IP6K1: variants seen among roughly 807,000 people sequenced by gnomAD.
The protein encoded by IP6K1 is ATP:1D-myo-inositol-hexakisphosphate phosphotransferase.
Under a neutral mutation model 38.3 loss-of-function variants are expected in IP6K1, and 13 were observed. The observed-to-expected ratio is 0.34, with a 90% CI of 0.22 to 0.54. The LOEUF (loss-of-function observed/expected upper bound fraction) is 0.54. Ranked by LOEUF, IP6K1 falls within the 20% of genes least tolerant of loss-of-function variation. The pLI, the probability that IP6K1 is intolerant of heterozygous loss-of-function variation, is 0.92. For missense variants in IP6K1, 397 were observed against 599.8 expected (o/e 0.66, Z 3.53); for synonymous variants, 212 against 229.9 (o/e 0.92, Z 0.70).
chr3:49,743,804 G>A (rs1037622961), intron 2 of IP6K1, among the ~76,000 whole-genome samples: 4 of 151,802 alleles, frequency 2.6e-5, no homozygotes, highest in Non-Finnish European at 5.9e-5. Context: ...ATTTTTAGTA[G>A]AGACAGGGTT....
At chr3:49,772,799 G>A (rs1034999880) in intron 1 of IP6K1, among the ~76,000 whole-genome samples, 10 of 148,594 alleles carry the variant, frequency 6.7e-5, no homozygotes, top group African/African-American at 2.0e-4. Context: ...GTCTCACTAC[G>A]TTGCCCAGGC....
At chr3:49,757,948 A>C in intron 1 of IP6K1, among the ~76,000 whole-genome samples, 1 of 152,206 alleles carries the variant, frequency 6.6e-6, no homozygotes, top group South Asian at 2.1e-4. Context: ...AGGTGAAGCC[A>C]AAGCTCTGGT....
intron 1 of IP6K1, among the ~76,000 whole-genome samples, chr3:49,780,498 T>G (rs1259871733): frequency 1.3e-5 from 2 of 151,752 alleles, no homozygotes; most frequent in Non-Finnish European, 2.9e-5. Flanking sequence ...GAAACAAGAG[T>G]GTACTGTGCG....
intron 3 of IP6K1, among the ~76,000 whole-genome samples, chr3:49,735,324 T>TG (rs773641283): frequency 6.6e-6 from 1 of 152,194 alleles, no homozygotes; most frequent in Non-Finnish European, 1.5e-5. Context: ...ATGGTGCCAC[T>TG]GCACTCTAGC....
At chr3:49,775,475 G>C in intron 1 of IP6K1, 1 of 577,560 alleles carries the variant, frequency 1.7e-6, no homozygotes, top group South Asian at 2.4e-5. Context: ...GAGGCCCTGG[G>C]GTCTCTGGTG....
At position 49,724,710 on chromosome 3, in the gene IP6K1, C is replaced by T. The variant is rs1205580742; in HGVS notation, c.*2412G>A. ...GAGCGCGTGAGCAGCGGCTACGTAA[C>T]TAGCACAGGTGCCAGGCCCCTTGAT... On this transcript the variant is annotated 3_prime_UTR_variant, in exon 6 of 6. Transcript: ENST00000321599. 6.5e-6 allele frequency: 1 copy of T among 152,722 alleles called. No homozygotes were observed. Among genetic ancestry groups the T allele is most frequent in the Non-Finnish European group, 1.5e-5 (1 of 68,098 alleles). 9.5% of individuals were successfully genotyped at this position (152,722 alleles called of 1,614,324 possible).
At chr3:49,771,853 A>C (rs1382163917) in intron 1 of IP6K1, among the ~76,000 whole-genome samples, 1 of 152,224 alleles carries the variant, frequency 6.6e-6, no homozygotes, top group Non-Finnish European at 1.5e-5. Context: ...ATATAGCAAT[A>C]AAAATAAACT....
chr3:49,752,968 C>T (rs1197622240), intron 1 of IP6K1, among the ~76,000 whole-genome samples: 1 of 151,960 alleles, frequency 6.6e-6, no homozygotes, highest in East Asian at 1.9e-4. Flanking sequence ...TCATGTTGGC[C>T]AGGCTGGTCT....
intron 2 of IP6K1, among the ~76,000 whole-genome samples, chr3:49,742,902 T>C (rs916764068): frequency 2.6e-5 from 4 of 151,078 alleles, no homozygotes; most frequent in African/African-American, 4.9e-5. Context: ...AAATAGTATA[T>C]AAATAAATAA....
In IP6K1 at chr3:49,731,837, G is replaced by A. The variant is rs184207200; in HGVS notation, c.616+954C>T. 1.9e-4 allele frequency among the ~76,000 whole-genome samples: 27 copies of A among 140,406 alleles called. No individual in the cohort carries two copies. The East Asian group carries it at 2.7e-3, about 14-fold the overall frequency. 92.1% of individuals were successfully genotyped at this position (140,406 alleles called of 152,430 possible). A position where few individuals can be genotyped will look rare whatever the true frequency, so the allele number is the denominator to read the frequency against. ...CGGGAGGCGGAGGTTGCAGTGAGCC[G>A]AGATCGCACCGCTGCACTTTGGCCT... On this transcript the variant is annotated intron_variant, in intron 4 of 5. Transcript: ENST00000321599.
chr3:49,753,268 C>T (rs927190563), intron 1 of IP6K1, among the ~76,000 whole-genome samples: 1 of 152,090 alleles, frequency 6.6e-6, no homozygotes, highest in Non-Finnish European at 1.5e-5. Context: ...ACTAGTCATT[C>T]CCTCTGCCTA....
chr3:49,767,254 G>A (rs746483563), intron 1 of IP6K1, among the ~76,000 whole-genome samples: 2 of 151,890 alleles, frequency 1.3e-5, no homozygotes, highest in African/African-American at 4.8e-5. Context: ...TTCCAGCCTG[G>A]GTGACAGGAT....
rs1319411977 is a variant in IP6K1, at chr3:49,724,426, C to G, written c.*2696G>C. ...CCGCACGCAAGGTCCAAAGCAAACG[C>G]AACTGCGGCGGGAGCCACCGGCGCA... On this transcript the variant is annotated 3_prime_UTR_variant, in exon 6 of 6. Transcript: ENST00000321599. 1.3e-5 allele frequency: 2 copies of G among 152,256 alleles called. No homozygotes were observed. The highest frequency in any genetic ancestry group is 2.9e-5 in the Non-Finnish European group (2 of 68,070). The allele number at this position is 152,256 out of a possible 1,614,324, so 9.4% of individuals were successfully genotyped here.
intron 1 of IP6K1, among the ~76,000 whole-genome samples, chr3:49,774,125 G>A (rs958167487): frequency 1.3e-5 from 2 of 151,924 alleles, no homozygotes; most frequent in African/African-American, 4.8e-5. Context: ...AAATTTGCAG[G>A]CCGGGCACAG....
At chr3:49,739,102 A>G (rs1021464376) in intron 2 of IP6K1, among the ~76,000 whole-genome samples, 1 of 152,190 alleles carries the variant, frequency 6.6e-6, no homozygotes, top group African/African-American at 2.4e-5. Context: ...TCTTAATACA[A>G]TTTAAAAATA....
intron 1 of IP6K1, among the ~76,000 whole-genome samples, chr3:49,754,592 A>G (rs1200139655): frequency 6.6e-6 from 1 of 151,522 alleles, no homozygotes; most frequent in Non-Finnish European, 1.5e-5. Flanking sequence ...GAGAAATCAT[A>G]TGAGTTTTTT....
chr3:49,785,866 C>T (rs959586632), intron 1 of IP6K1: 1 of 152,228 alleles, frequency 6.6e-6, no homozygotes, highest in Non-Finnish European at 1.5e-5. Flanking sequence ...GCAGAGGGTC[C>T]CCCTTGCCAT....
In IP6K1 at chr3:49,727,208, C is replaced by A. The variant is rs148175328; in HGVS notation, c.1240G>T (p.Val414Leu). ...TFKGFRDDPT[V>L]HDGPDRGYVF... ...TAGCCTCTGTCTGGCCCATCATGCA[C>A]GGTGGGGTCATCCCGGAAGCCCTTG... Residue 414 changes from valine to leucine, a missense_variant, in exon 6 of 6, where the codon GTG becomes TTG. Transcript: ENST00000321599. The surrounding 1 kb of genome is among the most constrained non-coding windows in gnomAD (Gnocchi z 5.9). 1 of 1,614,144 alleles carries A rather than the reference C, an allele frequency of 6.2e-7. No individual in the cohort carries two copies. Among genetic ancestry groups the A allele is most frequent in the Non-Finnish European group, 8.5e-7 (1 of 1,180,028 alleles).
At position 49,780,337 on chromosome 3, in the gene IP6K1, C is replaced by CACACACACACAA. The variant is rs1240811957; in HGVS notation, c.-129+6016_-129+6017insTTGTGTGTGTGT. ...ACACACACACACACACACACACACA[C>CACACACACACAA]ACACAGTCTTAGGCTTTCCTACCCA... On this transcript the variant is annotated intron_variant, in intron 1 of 5. Transcript: ENST00000321599. Among the ~76,000 whole-genome samples the CACACACACACAA allele has an allele frequency of 3.3e-5, 5 of 151,960 alleles. No homozygotes were observed. The East Asian group carries it at 9.6e-4, about 29-fold the overall frequency.
Sources: gnomAD v4.1 joint callset for allele counts (sites outside exome capture counted in the v4.1 genomes callset) on GRCh38, gnomAD v4.1.1 for gene constraint, Gnocchi (gnomAD v3.1) non-coding constraint, MANE v1.5 for transcripts, NCBI Gene and HGNC (gene_info 2026-07-23, HGNC 2026-07-21) for gene names.